The following PRKG1 variants were observed in gnomAD, a reference collection of about 807,000 sequenced individuals.
PRKG1 encodes the protein cGMP-dependent protein kinase 1.
Under a neutral mutation model 88.1 loss-of-function variants are expected in PRKG1, and 35 were observed. The observed-to-expected ratio is 0.40, with a 90% CI of 0.30 to 0.53. The LOEUF (loss-of-function observed/expected upper bound fraction) is 0.53, where lower values mean the gene tolerates loss of function less well. Ranked by LOEUF, PRKG1 falls within the 20% of genes least tolerant of loss-of-function variation. PRKG1 has a pLI of 0.59. For synonymous variants in PRKG1, 303 were observed against 292.5 expected, an observed-to-expected ratio of 1.04 and a Z score of -0.37; for missense variants, 540 against 839.8, an observed-to-expected ratio of 0.64 and a Z score of 4.41.
At chr10:52,164,667 C>A (rs575829581) in intron 9 of PRKG1, among the ~76,000 whole-genome samples, 10 of 152,096 alleles carry the variant, frequency 6.6e-5, no homozygotes, top group Non-Finnish European at 1.2e-4. Context: ...TGACTACTTA[C>A]ATCAAAGTAG....
chr10:50,992,539 C>A (rs1204762979), intron 1 of PRKG1, among the ~76,000 whole-genome samples: 1 of 152,040 alleles, frequency 6.6e-6, no homozygotes, highest in Non-Finnish European at 1.5e-5. Flanking sequence ...ATGAAGAAGG[C>A]GGAGGGGTGA....
At chr10:51,779,797 T>A (rs1242240432) in intron 3 of PRKG1, among the ~76,000 whole-genome samples, 1 of 152,120 alleles carries the variant, frequency 6.6e-6, no homozygotes, top group Non-Finnish European at 1.5e-5. Context: ...GGTGACATTT[T>A]TTTCTTTTTT....
At chr10:51,431,830 A>G (rs1838778704) in intron 2 of PRKG1, among the ~76,000 whole-genome samples, 1 of 152,190 alleles carries the variant, frequency 6.6e-6, no homozygotes, top group South Asian at 2.1e-4. Context: ...TATTTTAATA[A>G]CAATAATTTG....
At chr10:52,280,710 T>G (rs1458801033) in intron 12 of PRKG1, 79 bp from the exon 13 acceptor site, 6 of 1,489,596 alleles carry the variant, frequency 4.0e-6, no homozygotes, top group Non-Finnish European at 9.2e-7. Context: ...AGGAATATAG[T>G]GAAATGAGAA....
At chr10:52,053,270 C>T (rs1204839295) in intron 5 of PRKG1, among the ~76,000 whole-genome samples, 1 of 151,966 alleles carries the variant, frequency 6.6e-6, no homozygotes, top group Non-Finnish European at 1.5e-5. Context: ...AACTGAATTA[C>T]TTTTGAGTAA....
intron 5 of PRKG1, among the ~76,000 whole-genome samples, chr10:51,966,578 C>T (rs1843572494): frequency 6.6e-6 from 1 of 152,172 alleles, no homozygotes; most frequent in Non-Finnish European, 1.5e-5. Context: ...CCTTTAACTT[C>T]TCCTGGAGGA....
chr10:51,729,759 A>G (rs1165879424), intron 3 of PRKG1, among the ~76,000 whole-genome samples: 5 of 150,456 alleles, frequency 3.3e-5, no homozygotes, highest in African/African-American at 1.2e-4. Context: ...GAGAAGCCAT[A>G]GGCCGTGGTA....
intron 2 of PRKG1, among the ~76,000 whole-genome samples, chr10:51,432,911 G>T (rs1423911125): frequency 1.3e-5 from 2 of 152,120 alleles, no homozygotes; most frequent in African/African-American, 4.8e-5. Context: ...TTCTAGGTCT[G>T]AATAGATAGA....
intron 1 of PRKG1, among the ~76,000 whole-genome samples, chr10:51,126,161 T>G (rs1845402463): frequency 8.3e-6 from 1 of 120,932 alleles, no homozygotes; most frequent in South Asian, 2.5e-4. Flanking sequence ...TAATTTTTTA[T>G]ATGTAATTAT....
chr10:51,121,437 C>T (rs7902979), intron 1 of PRKG1, among the ~76,000 whole-genome samples: 121,175 of 151,964 alleles, frequency 0.8, 48,879 homozygotes, highest in South Asian at 0.87. Context: ...CTACATTGTT[C>T]GGGACACATT....
In PRKG1 at chr10:51,329,309, T is replaced by G. The variant is rs543545165; in HGVS notation, c.479-138414T>G. Among the ~76,000 whole-genome samples the G allele has an allele frequency of 2.6e-5, 4 of 152,346 alleles. No individual in the cohort carries two copies. The South Asian group carries it at 8.3e-4, about 32-fold the overall frequency. ...GATATTCAGTTTCCCCTGCACCATTTATTGAAGAGAACGCCCCTTTGCCCT... is the reference window on the plus strand; with the variant it reads ...GATATTCAGTTTCCCCTGCACCATTGATTGAAGAGAACGCCCCTTTGCCCT... On this transcript the variant is annotated intron_variant, in intron 2 of 17. Transcript: ENST00000373980.
chr10:51,892,296 A>G (rs1443420343), intron 4 of PRKG1, among the ~76,000 whole-genome samples: 1 of 152,164 alleles, frequency 6.6e-6, no homozygotes, highest in African/African-American at 2.4e-5. Context: ...AATTTTTATA[A>G]CTCAGAATTT....
intron 7 of PRKG1, among the ~76,000 whole-genome samples, chr10:52,093,725 G>T (rs2133327592): frequency 6.6e-6 from 1 of 152,064 alleles, no homozygotes; most frequent in East Asian, 1.9e-4. Flanking sequence ...GTTAGTGTAG[G>T]TGTTGCCTTA....
intron 2 of PRKG1, among the ~76,000 whole-genome samples, chr10:51,261,359 T>A (rs1361267794): frequency 6.6e-6 from 1 of 152,224 alleles, no homozygotes; most frequent in Non-Finnish European, 1.5e-5. Context: ...GTTTGGGGTA[T>A]TATGATATAG....
intron 9 of PRKG1, among the ~76,000 whole-genome samples, chr10:52,206,105 T>G (rs1292471538): frequency 2.2e-5 from 1 of 46,242 alleles, no homozygotes; most frequent in Non-Finnish European, 6.9e-5. Flanking sequence ...TCATTCTTTT[T>G]AATTCTTTTT....
chr10:52,290,714 G>T (rs1281132120), intron 17 of PRKG1, among the ~76,000 whole-genome samples: 2 of 151,962 alleles, frequency 1.3e-5, no homozygotes, highest in Non-Finnish European at 2.9e-5. Flanking sequence ...ATACTAGCCA[G>T]GTGTGCTGAT....
At chr10:52,041,355 G>A (rs1407759343) in intron 5 of PRKG1, among the ~76,000 whole-genome samples, 2 of 152,206 alleles carry the variant, frequency 1.3e-5, no homozygotes, top group Admixed American at 1.3e-4. Flanking sequence ...TATTTTTAAA[G>A]TGCTGTTGAA....
intron 10 of PRKG1, among the ~76,000 whole-genome samples, chr10:52,262,936 C>G (rs1841468192): frequency 6.6e-6 from 1 of 152,050 alleles, no homozygotes; most frequent in African/African-American, 2.4e-5. Context: ...TCACCTCAAA[C>G]ACAACCATCC....
chr10:51,052,056 A>G (rs1217423891), intron 1 of PRKG1, among the ~76,000 whole-genome samples: 1 of 152,198 alleles, frequency 6.6e-6, no homozygotes, highest in Non-Finnish European at 1.5e-5. Flanking sequence ...TATTTTGAAG[A>G]TGGTTTACAG....
Sources: gnomAD v4.1 joint callset for allele counts (sites outside exome capture counted in the v4.1 genomes callset) on GRCh38, gnomAD v4.1.1 for gene constraint, MANE v1.5 for transcripts, NCBI Gene and HGNC (gene_info 2026-07-23, HGNC 2026-07-21) for gene names.